The following SLAIN2 variants were observed in gnomAD, a reference collection of about 807,000 sequenced individuals.
SLAIN2 encodes SLAIN family member 2, also known as SLAIN motif-containing protein 2.
In SLAIN2, 31 loss-of-function variants were observed where a neutral mutation model predicts 56.6. The ratio of observed to expected loss-of-function variants is 0.55; its 90% CI spans 0.41 to 0.74. The LOEUF (loss-of-function observed/expected upper bound fraction) is 0.74. SLAIN2 is among the 30% of genes least tolerant of loss of function. The pLI is 0.00. For missense variants in SLAIN2, 777 were observed against 754.2 expected (o/e 1.03, Z -0.35); for synonymous variants, 317 against 284.9 (o/e 1.11, Z -1.13).
intron 4 of SLAIN2, 148 bp downstream of exon 4, chr4:48,379,996 GTA>G (rs2109760985): frequency 4.1e-6 from 3 of 734,596 alleles, no homozygotes; most frequent in Admixed American, 3.5e-5. Flanking sequence ...GTCAACATAT[GTA>G]CATGTTTATT....
chr4:48,373,920 C>A (rs111322132), intron 2 of SLAIN2, among the ~76,000 whole-genome samples: 1 of 152,054 alleles, frequency 6.6e-6, no homozygotes, highest in Admixed American at 6.5e-5. Context: ...TGCCTGTAAT[C>A]CCAGCTACTC....
intron 6 of SLAIN2, among the ~76,000 whole-genome samples, chr4:48,402,372 A>C (rs1412798184): frequency 6.6e-6 from 1 of 152,148 alleles, no homozygotes; most frequent in Non-Finnish European, 1.5e-5. Flanking sequence ...TGAAGTATGC[A>C]TTCCAACTTG....
At chr4:48,409,154 C>G (rs1716780276) in intron 6 of SLAIN2, among the ~76,000 whole-genome samples, 1 of 152,104 alleles carries the variant, frequency 6.6e-6, no homozygotes, top group Non-Finnish European at 1.5e-5. Context: ...AATCAGGTCC[C>G]CATCCCCTCA....
intron 2 of SLAIN2, among the ~76,000 whole-genome samples, chr4:48,370,626 G>A (rs1485647876): frequency 6.6e-6 from 1 of 152,170 alleles, no homozygotes; most frequent in Non-Finnish European, 1.5e-5. Flanking sequence ...TTGTTTAATA[G>A]CATTCACAAA....
chr4:48,401,728 T>G (rs1205701546), intron 6 of SLAIN2, among the ~76,000 whole-genome samples: 2 of 152,212 alleles, frequency 1.3e-5, no homozygotes, highest in African/African-American at 4.8e-5. Flanking sequence ...TTATCCAGCT[T>G]GCTACTCTGT....
chr4:48,395,490 G>A (rs1442120192), intron 6 of SLAIN2, among the ~76,000 whole-genome samples: 1 of 151,848 alleles, frequency 6.6e-6, no homozygotes, highest in Non-Finnish European at 1.5e-5. Flanking sequence ...TTACAAAAGT[G>A]CTATAATAGA....
At chr4:48,352,793 G>T (rs1715045241) in intron 1 of SLAIN2, among the ~76,000 whole-genome samples, 1 of 152,122 alleles carries the variant, frequency 6.6e-6, no homozygotes, top group Admixed American at 6.5e-5. Context: ...CAAAAATAGT[G>T]CTTGATATGG....
intron 1 of SLAIN2, among the ~76,000 whole-genome samples, chr4:48,353,528 T>C (rs907972750): frequency 6.6e-6 from 1 of 151,974 alleles, no homozygotes; most frequent in Non-Finnish European, 1.5e-5. Flanking sequence ...AAAGAATCCG[T>C]GGGTTAAACT....
chr4:48,421,934 A>T (rs1717165745), intron 7 of SLAIN2, 77 bp from the exon 8 acceptor site: 6 of 1,176,160 alleles, frequency 5.1e-6, no homozygotes, highest in Non-Finnish European at 7.4e-6. Flanking sequence ...AGAGTAATTA[A>T]TATATGTGTG....
chr4:48,379,406 C>A (rs1440843388), intron 3 of SLAIN2, among the ~76,000 whole-genome samples: 2 of 152,074 alleles, frequency 1.3e-5, no homozygotes, highest in African/African-American at 4.8e-5. Flanking sequence ...TATTGAACAC[C>A]AATTACTTGC....
chr4:48,345,155 A>G (rs1714828669), intron 1 of SLAIN2, among the ~76,000 whole-genome samples: 1 of 152,236 alleles, frequency 6.6e-6, no homozygotes, highest in South Asian at 2.1e-4. Context: ...GTCTTTATAC[A>G]TCATAGACTA....
At chr4:48,402,617 G>A (rs538288728) in intron 6 of SLAIN2, among the ~76,000 whole-genome samples, 2 of 152,240 alleles carry the variant, frequency 1.3e-5, no homozygotes, top group South Asian at 4.2e-4. Flanking sequence ...GGTCAGTTAT[G>A]TTCCTCTCTA....
chr4:48,386,155 TTGA>T (rs1265970782), intron 6 of SLAIN2, among the ~76,000 whole-genome samples: 1 of 151,736 alleles, frequency 6.6e-6, no homozygotes, highest in Non-Finnish European at 1.5e-5. Context: ...CTGTGATATA[TTGA>T]CAAATTTTCC....
chr4:48,394,637 T>C, intron 6 of SLAIN2: 1 of 1,535,894 alleles, frequency 6.5e-7, no homozygotes, highest in Non-Finnish European at 8.7e-7. Context: ...TGCTTCAAAC[T>C]TCATCTACAA....
At chr4:48,410,215 A>G (rs889356927) in intron 6 of SLAIN2, among the ~76,000 whole-genome samples, 2 of 149,258 alleles carry the variant, frequency 1.3e-5, no homozygotes, top group African/African-American at 4.9e-5. Context: ...TCATGTGCTT[A>G]TTGGCCATTT....
chr4:48,374,581 G>C (rs1465114172), intron 2 of SLAIN2, among the ~76,000 whole-genome samples: 2 of 152,134 alleles, frequency 1.3e-5, no homozygotes, highest in African/African-American at 4.8e-5. Flanking sequence ...GAAAAATATC[G>C]AAGGGTTTTC....
At position 48,420,198 on chromosome 4, in the gene SLAIN2, T is replaced by C. The variant is rs1717109194; in HGVS notation, c.1434T>C (p.Phe478=). 6.2e-7 allele frequency: 1 copy of C among 1,613,834 alleles called. No homozygotes were observed. The highest frequency in any genetic ancestry group is 8.5e-7 in the Non-Finnish European group (1 of 1,179,888). Residue 478 remains phenylalanine, a synonymous_variant, in exon 7 of 8, where the codon TTT becomes TTC. Transcript: ENST00000264313. ...CTCTTCGGCAACCAGTGAAAGCATT[T>C]AGTAACCATGGCTCTGGTTCTCCTG... ...PLALRQPVKA[F]SNHGSGSPGS... is the part of the protein sequence containing the mutation.
intron 6 of SLAIN2, among the ~76,000 whole-genome samples, chr4:48,385,931 T>C (rs1716086793): frequency 6.6e-6 from 1 of 151,562 alleles, no homozygotes; most frequent in South Asian, 2.1e-4. Context: ...AGACCTCGTC[T>C]CTAAAAAAAT....
chr4:48,388,819 A>C (rs1665827292), intron 6 of SLAIN2, among the ~76,000 whole-genome samples: 1 of 152,232 alleles, frequency 6.6e-6, no homozygotes, highest in Non-Finnish European at 1.5e-5. Flanking sequence ...AGACGAGTAA[A>C]ATAATTTAGT....
Sources: gnomAD v4.1 joint callset for allele counts (sites outside exome capture counted in the v4.1 genomes callset) on GRCh38, gnomAD v4.1.1 for gene constraint, MANE v1.5 for transcripts, NCBI Gene and HGNC (gene_info 2026-07-23, HGNC 2026-07-21) for gene names.